Variants in MCF2L observed in about 807,000 individuals in gnomAD.
The protein encoded by MCF2L is MCF.2 cell line derived transforming sequence like.
In MCF2L, 97 loss-of-function variants were observed where a neutral mutation model predicts 153.4. That is an observed-to-expected ratio of 0.63 (90% confidence interval 0.54 to 0.75). The LOEUF (loss-of-function observed/expected upper bound fraction) is 0.75, where lower values mean the gene tolerates loss of function less well. Ranked by LOEUF, MCF2L falls within the 30% of genes least tolerant of loss-of-function variation. MCF2L has a pLI of 0.00. For missense variants in MCF2L, 1,347 were observed against 1,495.2 expected, an observed-to-expected ratio of 0.90 and a Z score of 1.64; for synonymous variants, 659 against 632.2, an observed-to-expected ratio of 1.04 and a Z score of -0.64.
At chr13:112,946,285 TAA>T (rs34257159) in intron 2 of MCF2L, among the ~76,000 whole-genome samples, 107 of 145,914 alleles carry the variant, frequency 7.3e-4, no homozygotes, top group Admixed American at 1.6e-3. Flanking sequence ...CCCTTTCTGA[TAA>T]AAAAAAAAAA....
intron 2 of MCF2L, among the ~76,000 whole-genome samples, chr13:112,913,569 G>T (rs544125100): frequency 6.6e-6 from 1 of 152,276 alleles, no homozygotes; most frequent in Non-Finnish European, 1.5e-5. Flanking sequence ...AGGATGGGCT[G>T]CTAGTAAACA....
At chr13:112,935,304 C>T (rs1240632064) in intron 2 of MCF2L, among the ~76,000 whole-genome samples, 3 of 152,306 alleles carry the variant, frequency 2.0e-5, no homozygotes, top group Non-Finnish European at 4.4e-5. Context: ...GTCACCCAGG[C>T]TGAAGTGCGG....
intron 2 of MCF2L, among the ~76,000 whole-genome samples, chr13:112,954,207 G>A (rs2081729770): frequency 6.6e-6 from 1 of 152,160 alleles, no homozygotes; most frequent in African/African-American, 2.4e-5. Context: ...CTGTTTCCAG[G>A]CCTCACACAA....
At chr13:113,084,635 C>T (rs1050428210) in intron 18 of MCF2L, 1 of 552,094 alleles carries the variant, frequency 1.8e-6, no homozygotes, top group Non-Finnish European at 3.2e-6. Context: ...CCCGTCTCCA[C>T]TCCACGCCTG....
At chr13:113,061,584 C>T (rs1433495582) in intron 5 of MCF2L, among the ~76,000 whole-genome samples, 2 of 151,866 alleles carry the variant, frequency 1.3e-5, no homozygotes, top group Non-Finnish European at 2.9e-5. Flanking sequence ...AGCCCTCCCT[C>T]CCCACCCTCG....
chr13:113,000,647 C>T (rs1360419233), intron 1 of MCF2L, among the ~76,000 whole-genome samples: 2 of 152,198 alleles, frequency 1.3e-5, no homozygotes, highest in East Asian at 1.9e-4. Context: ...CTGAGGGAGC[C>T]GAGGTTTCCA....
intron 2 of MCF2L, among the ~76,000 whole-genome samples, chr13:112,913,190 G>T (rs1034323428): frequency 6.6e-6 from 1 of 151,306 alleles, no homozygotes. Flanking sequence ...GTGATTGTGT[G>T]TGTGTCTGGT....
intron 1 of MCF2L, among the ~76,000 whole-genome samples, chr13:112,973,021 G>C (rs1344580941): frequency 6.6e-6 from 1 of 151,916 alleles, no homozygotes; most frequent in Admixed American, 6.5e-5. Context: ...GCACCCCCCA[G>C]TTGCAGGTCT....
intron 1 of MCF2L, among the ~76,000 whole-genome samples, chr13:113,011,836 G>A (rs1215507528): frequency 2.1e-5 from 2 of 95,122 alleles, no homozygotes; most frequent in Admixed American, 9.4e-5. Flanking sequence ...ACTGTGATGC[G>A]GACGGTGGAC....
chr13:112,921,599 A>G (rs2140568986), intron 2 of MCF2L, among the ~76,000 whole-genome samples: 1 of 152,380 alleles, frequency 6.6e-6, no homozygotes, highest in East Asian at 1.9e-4. Flanking sequence ...CTGCTGCAAA[A>G]TAAACCTTCC....
chr13:113,018,417 G>A (rs144922861), intron 2 of MCF2L, among the ~76,000 whole-genome samples: 205 of 152,330 alleles, frequency 1.3e-3, no homozygotes, highest in African/African-American at 4.4e-3. Flanking sequence ...GGAATTGGGT[G>A]TAAAATCAGG....
rs1183184420 is a variant in MCF2L, at chr13:113,046,266, T to A, written c.369+905T>A. 9.0e-6 allele frequency: 2 copies of A among 222,772 alleles called. No individual in the cohort carries two copies. Among genetic ancestry groups the A allele is most frequent in the Non-Finnish European group, 1.8e-5 (2 of 112,256 alleles). The allele number at this position is 222,772 out of a possible 1,614,324, so 13.8% of individuals were successfully genotyped here. ...TTGCTGCCAAAGGACCAAAAAAGGC[T>A]GCCTGTCTGCCAAGAGGTGACCCAG... On this transcript the variant is annotated intron_variant, in intron 4 of 29. Transcript: ENST00000535094. The surrounding 1 kb of genome is among the most constrained non-coding windows in gnomAD (Gnocchi z 4.4).
chr13:112,921,145 C>G (rs2081348707), intron 2 of MCF2L, among the ~76,000 whole-genome samples: 1 of 152,068 alleles, frequency 6.6e-6, no homozygotes, highest in Non-Finnish European at 1.5e-5. Context: ...CCACTGCACT[C>G]TAGCCTGAGC....
chr13:112,937,066 A>G (rs1225965649), intron 2 of MCF2L, among the ~76,000 whole-genome samples: 1 of 152,032 alleles, frequency 6.6e-6, no homozygotes, highest in Non-Finnish European at 1.5e-5. Flanking sequence ...TTTTTTATTT[A>G]TTTTTGAGAT....
intron 5 of MCF2L, among the ~76,000 whole-genome samples, chr13:113,062,718 T>G (rs1026893332): frequency 1.3e-5 from 2 of 152,032 alleles, no homozygotes; most frequent in African/African-American, 4.8e-5. Flanking sequence ...GACTCAGCCA[T>G]AGAAAGGAGA....
At position 112,894,957 on chromosome 13, in the gene MCF2L, G is replaced by A. The variant is rs4994210; in HGVS notation, c.-5+526G>A. The stretch of plus-strand genomic sequence containing the variant: ...GGTGGCTGGGGACAGTGCTGGAGGG[G>A]AGGGTAGCCTGGGGTCGGGCCCACA... On this transcript the variant is annotated intron_variant, in intron 1 of 29. Coordinates refer to the MCF2L transcript ENST00000375608. 5.5e-3 allele frequency among the ~76,000 whole-genome samples: 562 copies of A among 101,934 alleles called. 1 individual carries two copies. The highest frequency in any genetic ancestry group is 0.015 in the East Asian group (37 of 2,492). The allele number at this position is 101,934 out of a possible 152,430, so 66.9% of individuals were successfully genotyped here.
Position 112,969,564 on chromosome 13 carries a change from TC to T in MCF2L, c.79+107del. On this transcript the variant is annotated intron_variant, in intron 1 of 29. Transcript: ENST00000535094. This position sits in a 1 kb window ranked among gnomAD's most constrained non-coding sequence, Gnocchi z 4.8. ...TTTGTAAGCCGCCCTCGTGTTCCTTTCTAGCCGTGGTAGCTGTGACATGGGG... is the reference window on the plus strand; with the variant it reads ...TTTGTAAGCCGCCCTCGTGTTCCTTTTAGCCGTGGTAGCTGTGACATGGGG... 6.6e-7 allele frequency: 1 copy of T among 1,511,572 alleles called. No homozygotes were observed. Among genetic ancestry groups the T allele is most frequent in the South Asian group, 1.2e-5 (1 of 80,038 alleles). 93.6% of individuals were successfully genotyped at this position (1,511,572 alleles called of 1,614,324 possible).
At chr13:113,021,435 C>A (rs973011309) in intron 2 of MCF2L, among the ~76,000 whole-genome samples, 1 of 152,142 alleles carries the variant, frequency 6.6e-6, no homozygotes, top group Non-Finnish European at 1.5e-5. Context: ...TGCTTGGGTG[C>A]GAGAGTTCAC....
At chr13:112,968,740 G>A, upstream of MCF2L, 2 of 1,382,976 alleles carry the variant, frequency 1.4e-6, no homozygotes. Context: ...GGCCAGGCGC[G>A]GCCCCGCGGA....
Sources: gnomAD v4.1 joint callset for allele counts (sites outside exome capture counted in the v4.1 genomes callset) on GRCh38, gnomAD v4.1.1 for gene constraint, Gnocchi (gnomAD v3.1) non-coding constraint, MANE v1.5 for transcripts, NCBI Gene and HGNC (gene_info 2026-07-23, HGNC 2026-07-21) for gene names.